BNC2: variants seen among roughly 807,000 people sequenced by gnomAD.
The protein encoded by BNC2 is zinc finger protein basonuclin-2.
Under a neutral mutation model 76.3 loss-of-function variants are expected in BNC2, and 20 were observed. The observed-to-expected ratio is 0.26, with a 90% CI of 0.18 to 0.38. The LOEUF (loss-of-function observed/expected upper bound fraction) is 0.38. BNC2 is among the 10% of genes least tolerant of loss of function. BNC2 has a pLI of 1.00. For synonymous variants in BNC2, 582 were observed against 514.8 expected (o/e 1.13, Z -1.77); for missense variants, 1,382 against 1,399.8 (o/e 0.99, Z 0.20).
chr9:16,498,060 CAT>C (rs1166079198), intron 5 of BNC2, among the ~76,000 whole-genome samples: 4 of 138,296 alleles, frequency 2.9e-5, no homozygotes, highest in South Asian at 2.3e-4. Context: ...TATATTCCAT[CAT>C]ATATATATAT....
At chr9:16,424,545 T>C (rs1820768794) in intron 6 of BNC2, among the ~76,000 whole-genome samples, 1 of 152,206 alleles carries the variant, frequency 6.6e-6, no homozygotes, top group Non-Finnish European at 1.5e-5. Context: ...TCAAATGATA[T>C]TGTACAGAAT....
chr9:16,797,047 A>C (rs1483746805), intron 1 of BNC2, among the ~76,000 whole-genome samples: 1 of 152,228 alleles, frequency 6.6e-6, no homozygotes. Flanking sequence ...AATAAAGTGC[A>C]ACAGGAATGA....
chr9:16,765,168 T>C (rs1331407195), intron 1 of BNC2, among the ~76,000 whole-genome samples: 2 of 152,234 alleles, frequency 1.3e-5, no homozygotes, highest in East Asian at 1.9e-4. Context: ...TGAGGGATTT[T>C]TGTCTCTAAT....
intron 1 of BNC2, among the ~76,000 whole-genome samples, chr9:16,869,293 G>A (rs181197266): frequency 6.6e-6 from 1 of 152,166 alleles, no homozygotes; most frequent in East Asian, 1.9e-4. Context: ...TCTTTTGTAC[G>A]TCAGTTTTAC....
intron 1 of BNC2, among the ~76,000 whole-genome samples, chr9:16,835,160 T>C (rs1272858813): frequency 6.6e-6 from 1 of 152,242 alleles, no homozygotes; most frequent in Non-Finnish European, 1.5e-5. Flanking sequence ...GATGAGATGT[T>C]AAGAACAGCA....
chr9:16,747,625 G>C (rs189496758), intron 1 of BNC2, among the ~76,000 whole-genome samples: 1 of 152,302 alleles, frequency 6.6e-6, no homozygotes, highest in African/African-American at 2.4e-5. Flanking sequence ...GACCAAGTTG[G>C]TCTGATTTCA....
intron 5 of BNC2, among the ~76,000 whole-genome samples, chr9:16,498,138 T>G (rs1041755486): frequency 3.3e-5 from 4 of 120,898 alleles, no homozygotes; most frequent in Admixed American, 1.6e-4. Flanking sequence ...CATATATATA[T>G]TCTATCATAT....
chr9:16,432,369 AC>A (rs1188660876), intron 6 of BNC2, among the ~76,000 whole-genome samples: 1 of 152,206 alleles, frequency 6.6e-6, no homozygotes, highest in African/African-American at 2.4e-5. Context: ...ATAAACAAAG[AC>A]CTGGAAATCT....
At chr9:16,494,404 G>C (rs772152773) in intron 5 of BNC2, among the ~76,000 whole-genome samples, 6 of 152,024 alleles carry the variant, frequency 3.9e-5, no homozygotes, top group Non-Finnish European at 8.8e-5. Flanking sequence ...ACCTGCCTTG[G>C]CCTCCCAAAG....
chr9:16,554,041 G>A (rs1818746339), intron 4 of BNC2, among the ~76,000 whole-genome samples: 1 of 152,156 alleles, frequency 6.6e-6, no homozygotes, highest in Non-Finnish European at 1.5e-5. Context: ...AGGCAAATGG[G>A]TATCAGCCAA....
chr9:16,659,304 C>T (rs981121800), intron 3 of BNC2, among the ~76,000 whole-genome samples: 6 of 152,150 alleles, frequency 3.9e-5, no homozygotes, highest in Non-Finnish European at 7.3e-5. Context: ...CTGGCAACCA[C>T]GCTGCTTCTC....
chr9:16,471,570 G>A (rs150390958), intron 5 of BNC2, among the ~76,000 whole-genome samples: 124 of 152,280 alleles, frequency 8.1e-4, no homozygotes, highest in Non-Finnish European at 9.8e-4. Flanking sequence ...AGGATTACAG[G>A]CGTGAGCCAC....
chr9:16,669,958 T>TA (rs1398170141), intron 3 of BNC2, among the ~76,000 whole-genome samples: 1 of 152,212 alleles, frequency 6.6e-6, no homozygotes, highest in East Asian at 1.9e-4. Context: ...ATGACTCCAA[T>TA]AAAAATATGT....
intron 5 of BNC2, among the ~76,000 whole-genome samples, chr9:16,462,584 G>T (rs921841673): frequency 3.9e-5 from 6 of 152,148 alleles, no homozygotes; most frequent in African/African-American, 1.4e-4. Context: ...CCACATAATG[G>T]AAAGTGGCAA....
intron 2 of BNC2, among the ~76,000 whole-genome samples, chr9:16,737,974 G>C (rs778141975): frequency 6.6e-6 from 1 of 151,964 alleles, no homozygotes; most frequent in Non-Finnish European, 1.5e-5. Flanking sequence ...TTAAACTTCA[G>C]TTTTAAAAGT....
intron 5 of BNC2, among the ~76,000 whole-genome samples, chr9:16,464,714 G>A (rs550373467): frequency 2.0e-5 from 3 of 152,146 alleles, no homozygotes; most frequent in Admixed American, 6.5e-5. Flanking sequence ...CTGCCACCAC[G>A]CCTGGCTAAT....
intron 3 of BNC2, among the ~76,000 whole-genome samples, chr9:16,712,508 AC>A (rs1334361226): frequency 1.3e-5 from 2 of 152,212 alleles, no homozygotes; most frequent in Admixed American, 6.5e-5. Flanking sequence ...GTTTTTTAAC[AC>A]CTTGAATTTT....
rs144067934 is a variant in BNC2 at position 16,455,220 on chromosome 9, C to A, written c.670-17696G>T. Among the ~76,000 whole-genome samples the A allele has an allele frequency of 6.0e-4, 91 of 152,224 alleles. 1 individual carries two copies. The East Asian group carries it at 0.014, about 23-fold the overall frequency. On this transcript the variant is annotated intron_variant, in intron 5 of 6. Transcript: ENST00000380672. ...TAACCAAAACAATATGTAGTTGAGT[C>A]CTGGCCAGAGTTTGAGATATATCAG...
At chr9:16,524,355 T>G (rs1035788005) in intron 5 of BNC2, among the ~76,000 whole-genome samples, 16 of 152,012 alleles carry the variant, frequency 1.1e-4, no homozygotes, top group African/African-American at 3.4e-4. Flanking sequence ...AGTTTCAGAG[T>G]AAGAGAACAT....
Sources: allele counts gnomAD v4.1 joint callset (sites outside exome capture counted in the v4.1 genomes callset), GRCh38; gene constraint gnomAD v4.1.1; transcripts MANE v1.5; gene names NCBI Gene and HGNC (gene_info 2026-07-23, HGNC 2026-07-21).